Variants in MFF observed in about 807,000 individuals in gnomAD.
MFF encodes mitochondrial fission factor, also known as chromosome 2 open reading frame 33.
In MFF, 12 loss-of-function variants were observed where a neutral mutation model predicts 36.9. That is an observed-to-expected ratio of 0.33 (90% CI 0.21 to 0.53). MFF has a LOEUF of 0.53. MFF is among the 20% of genes least tolerant of loss of function. The pLI, the probability that MFF is intolerant of heterozygous loss-of-function variation, is 0.95. For synonymous variants in MFF, 99 were observed against 126.2 expected (o/e 0.78, Z 1.44); for missense variants, 348 against 366.6 (o/e 0.95, Z 0.42).
intron 4 of MFF, among the ~76,000 whole-genome samples, chr2:227,337,970 G>A (rs193257236): frequency 4.0e-5 from 6 of 151,892 alleles, no homozygotes; most frequent in South Asian, 2.1e-4. Context: ...TCTTGAACCC[G>A]GGAGGCAGAG....
rs1160392697 is a variant in MFF at position 227,357,116 on chromosome 2, A to T, written c.875A>T (p.Ter292LeuextTer2). Residue 292 changes from the stop codon to leucine (L), a stop_lost, in exon 9 of 9, where the codon TAG becomes TTG. Coordinates refer to ENST00000304593, the MANE Select transcript of MFF (RefSeq NM_001277062.2). Reference protein sequence around the residue: ...LLNSWLWFRR* With the variant: ...LLNSWLWFRRL ...AATAGCTGGCTCTGGTTTCGCCGCT[A>T]GAGGTAACATCAGCCCTCAAAAATA... 3.1e-6 allele frequency: 5 copies of T among 1,611,656 alleles called. No individual in the cohort carries two copies. Among genetic ancestry groups the T allele is most frequent in the Non-Finnish European group, 4.2e-6 (5 of 1,179,808 alleles).
Position 227,352,570 on chromosome 2 carries a change from T to C in MFF, c.656T>C (p.Val219Ala). The C allele has an allele frequency of 1.2e-6, 2 of 1,613,514 alleles. No homozygotes were observed. Among genetic ancestry groups the C allele is most frequent in the Non-Finnish European group, 1.7e-6 (2 of 1,179,568 alleles). Residue 219 changes from valine to alanine, a missense_variant, in exon 7 of 9, where the codon GTC becomes GCC. Transcript: ENST00000304593. ...ACTTCTAATCCTCATCATGACAACG[T>C]CAGGTAAATTTTGAGACTTCGTAAT... ...AATSNPHHDN[V>A]RYGISNIDTT...
intron 8 of MFF, among the ~76,000 whole-genome samples, chr2:227,356,730 A>G (rs1325097505): frequency 6.6e-6 from 1 of 152,204 alleles, no homozygotes; most frequent in Non-Finnish European, 1.5e-5. Flanking sequence ...TAATCAAGTT[A>G]GGAAGGAAAT....
intron 5 of MFF, among the ~76,000 whole-genome samples, chr2:227,345,853 G>T (rs909912921): frequency 7.9e-4 from 120 of 152,240 alleles, no homozygotes; most frequent in African/African-American, 2.3e-3. Flanking sequence ...CTGAAAATTT[G>T]AGTTTATCTT....
chr2:227,340,451 C>A, intron 5 of MFF, 71 bp downstream of exon 5: 1 of 1,102,086 alleles, frequency 9.1e-7, no homozygotes, highest in Non-Finnish European at 1.3e-6. Flanking sequence ...CCATGTTTTT[C>A]TAAATAATTA....
chr2:227,352,050 A>T (rs2076022827), intron 6 of MFF: 1 of 152,822 alleles, frequency 6.5e-6, no homozygotes, highest in South Asian at 2.1e-4. Context: ...AGTTTCTTGA[A>T]ATTTATGAAT....
chr2:227,345,273 G>T (rs1420798837), intron 5 of MFF, among the ~76,000 whole-genome samples: 1 of 151,914 alleles, frequency 6.6e-6, no homozygotes, highest in East Asian at 1.9e-4. Context: ...ATTTTTAATG[G>T]GCCAACATCC....
intron 4 of MFF, among the ~76,000 whole-genome samples, chr2:227,334,391 A>AG (rs1388925258): frequency 1.3e-5 from 2 of 152,220 alleles, no homozygotes; most frequent in African/African-American, 4.8e-5. Flanking sequence ...AGAAGGGTCC[A>AG]GTAGCCTTCA....
At chr2:227,338,170 C>G (rs528190613) in intron 4 of MFF, among the ~76,000 whole-genome samples, 24 of 151,032 alleles carry the variant, frequency 1.6e-4, no homozygotes, top group Admixed American at 8.6e-4. Flanking sequence ...GAGTTCAAGA[C>G]CAGCCTGGCC....
At chr2:227,344,308 A>T (rs1247712965) in intron 5 of MFF, among the ~76,000 whole-genome samples, 2 of 152,222 alleles carry the variant, frequency 1.3e-5, no homozygotes, top group African/African-American at 2.4e-5. Flanking sequence ...AATGCCATTT[A>T]CTTAATCTTC....
chr2:227,332,961 T>G (rs1179622428), intron 4 of MFF, among the ~76,000 whole-genome samples: 1 of 152,248 alleles, frequency 6.6e-6, no homozygotes, highest in African/African-American at 2.4e-5. Flanking sequence ...AAAACCCTTT[T>G]TCGCTTGACA....
At chr2:227,353,243 C>T (rs1242963300) in intron 7 of MFF, among the ~76,000 whole-genome samples, 1 of 152,156 alleles carries the variant, frequency 6.6e-6, no homozygotes, top group Non-Finnish European at 1.5e-5. Context: ...GTGCCAAAAT[C>T]CCCATTTAGT....
At chr2:227,333,961 ACT>A (rs1574909888) in intron 4 of MFF, among the ~76,000 whole-genome samples, 1 of 152,120 alleles carries the variant, frequency 6.6e-6, no homozygotes, top group Non-Finnish European at 1.5e-5. Context: ...AGGCTTTAAG[ACT>A]CTACGGGGTT....
Position 227,340,351 on chromosome 2 carries a change from A to T in MFF, c.411A>T (p.Gln137His), listed in dbSNP as rs778302280. 1 of 1,614,018 alleles carries T rather than the reference A, an allele frequency of 6.2e-7. No homozygotes were observed. Among genetic ancestry groups the T allele is most frequent in the Non-Finnish European group, 8.5e-7 (1 of 1,179,888 alleles). ...ERSMSENAVR[Q>H]NGQLVRNDSL... ...CTATGAGTGAAAATGCTGTTCGCCA[A>T]AATGGACAGCTGGTCAGAAATGATT... Residue 137 changes from glutamine (Q) to histidine (H), a missense_variant, in exon 5 of 9, where the codon CAA (glutamine) becomes CAT (histidine). Physicochemically the swap from Gln to His is conservative, Grantham distance 24. Coordinates refer to ENST00000304593, the MANE Select transcript of MFF (RefSeq NM_001277062.2).
chr2:227,353,052 G>A (rs763625552), intron 7 of MFF, among the ~76,000 whole-genome samples: 4 of 152,146 alleles, frequency 2.6e-5, no homozygotes, highest in Non-Finnish European at 5.9e-5. Context: ...CACAGTTTGG[G>A]AAGGTACATA....
chr2:227,343,774 G>C (rs2075553129), intron 5 of MFF, among the ~76,000 whole-genome samples: 1 of 151,914 alleles, frequency 6.6e-6, no homozygotes, highest in Non-Finnish European at 1.5e-5. Flanking sequence ...CAATTGGCTG[G>C]TGTTTTTTTG....
chr2:227,338,155 G>A (rs895703726), intron 4 of MFF, among the ~76,000 whole-genome samples: 2 of 150,158 alleles, frequency 1.3e-5, no homozygotes, highest in African/African-American at 4.9e-5. Flanking sequence ...ATTACTTGAG[G>A]TTAGGAGTTC....
At chr2:227,337,872 C>A (rs2075123876) in intron 4 of MFF, among the ~76,000 whole-genome samples, 1 of 151,898 alleles carries the variant, frequency 6.6e-6, no homozygotes, top group East Asian at 1.9e-4. Context: ...CATGGTGAAA[C>A]CCCATCTCTA....
At chr2:227,344,392 G>A (rs1404805554) in intron 5 of MFF, among the ~76,000 whole-genome samples, 1 of 152,164 alleles carries the variant, frequency 6.6e-6, no homozygotes, top group African/African-American at 2.4e-5. Context: ...GAAACAGGAA[G>A]TCATTAAACC....
Sources: allele counts gnomAD v4.1 joint callset (sites outside exome capture counted in the v4.1 genomes callset), GRCh38; gene constraint gnomAD v4.1.1; transcripts MANE v1.5; gene names NCBI Gene and HGNC (gene_info 2026-07-23, HGNC 2026-07-21).